The following ZNF385B variants were observed in gnomAD, a reference collection of about 807,000 sequenced individuals.
ZNF385B encodes the protein zinc finger protein 533.
Under a neutral mutation model 39.2 loss-of-function variants are expected in ZNF385B, and 23 were observed. That is an observed-to-expected ratio of 0.59 (90% CI 0.42 to 0.83). ZNF385B has a LOEUF of 0.83. Among genes scored for constraint, ZNF385B ranks in the 40% least tolerant of loss-of-function variants. The pLI is 0.00. For missense variants in ZNF385B, 552 were observed against 598.9 expected, an observed-to-expected ratio of 0.92 and a Z score of 0.82; for synonymous variants, 205 against 222.6, an observed-to-expected ratio of 0.92 and a Z score of 0.70.
intron 3 of ZNF385B, among the ~76,000 whole-genome samples, chr2:179,572,854 G>A (rs979997632): frequency 8.5e-5 from 13 of 152,140 alleles, no homozygotes; most frequent in African/African-American, 1.2e-4. Flanking sequence ...ATTCTGTACC[G>A]CCAAAAAGAA....
intron 3 of ZNF385B, among the ~76,000 whole-genome samples, chr2:179,567,794 G>A (rs1050304409): frequency 6.6e-6 from 1 of 152,104 alleles, no homozygotes; most frequent in African/African-American, 2.4e-5. Context: ...AAGTCGTGTT[G>A]TCTCCAATTC....
At chr2:179,675,033 T>G (rs752218797) in intron 3 of ZNF385B, among the ~76,000 whole-genome samples, 2 of 152,192 alleles carry the variant, frequency 1.3e-5, no homozygotes, top group Non-Finnish European at 2.9e-5. Context: ...GCAACCCCCA[T>G]GCAGTCAAAA....
intron 1 of ZNF385B, among the ~76,000 whole-genome samples, chr2:179,786,586 G>A (rs2106532024): frequency 6.6e-6 from 1 of 152,114 alleles, no homozygotes; most frequent in East Asian, 1.9e-4. Flanking sequence ...CTAAGGCACT[G>A]GTAGCCACTT....
chr2:179,524,264 TA>T (rs2058713281), intron 4 of ZNF385B, among the ~76,000 whole-genome samples: 1 of 152,116 alleles, frequency 6.6e-6, no homozygotes, highest in African/African-American at 2.4e-5. Context: ...TTTTAAAATT[TA>T]AAGTCGGCCG....
chr2:179,531,268 T>C (rs143378624), intron 4 of ZNF385B, among the ~76,000 whole-genome samples: 267 of 152,236 alleles, frequency 1.8e-3, no homozygotes, highest in African/African-American at 6.2e-3. Context: ...AGCAAATAAT[T>C]TAAAAAAGTA....
chr2:179,477,916 T>C (rs1447123773), intron 6 of ZNF385B, among the ~76,000 whole-genome samples: 1 of 152,210 alleles, frequency 6.6e-6, no homozygotes, highest in East Asian at 1.9e-4. Flanking sequence ...CCACAGCTTA[T>C]ACCAAAACGG....
chr2:179,632,507 A>G (rs1691325827), intron 3 of ZNF385B, among the ~76,000 whole-genome samples: 1 of 152,220 alleles, frequency 6.6e-6, no homozygotes, highest in Non-Finnish European at 1.5e-5. Flanking sequence ...ATCCAATGAG[A>G]ACAAAGACAC....
chr2:179,824,673 GT>G (rs906539244), intron 1 of ZNF385B, among the ~76,000 whole-genome samples: 3 of 151,852 alleles, frequency 2.0e-5, no homozygotes, highest in Non-Finnish European at 2.9e-5. Context: ...TTTTGTTTTT[GT>G]TTTTTTCATT....
chr2:179,650,681 C>A (rs1256400080), intron 3 of ZNF385B, among the ~76,000 whole-genome samples: 1 of 152,132 alleles, frequency 6.6e-6, no homozygotes, highest in African/African-American at 2.4e-5. Flanking sequence ...CTATTCCATA[C>A]AGGATAGATA....
intron 3 of ZNF385B, among the ~76,000 whole-genome samples, chr2:179,648,291 A>G (rs1692912210): frequency 6.6e-6 from 1 of 152,128 alleles, no homozygotes; most frequent in Non-Finnish European, 1.5e-5. Flanking sequence ...AGATGGTTAC[A>G]TAGGGGTGTT....
chr2:179,803,485 T>A (rs13399189), intron 1 of ZNF385B, among the ~76,000 whole-genome samples: 39,129 of 152,154 alleles, frequency 0.26, 5,281 homozygotes, highest in Non-Finnish European at 0.29. Context: ...CAGCTGTTTA[T>A]ATAAAATTAT....
rs752822705 is a variant in ZNF385B at position 179,446,722 on chromosome 2, G to C, written c.764C>G (p.Ser255Cys). 1.9e-6 allele frequency: 3 copies of C among 1,614,012 alleles called. No individual in the cohort carries two copies. The highest frequency in any genetic ancestry group is 1.6e-4 in the Middle Eastern group (1 of 6,062). Residue 255 changes from serine to cysteine, a missense_variant, in exon 7 of 10, where the codon TCT becomes TGT. Ser to Cys is a moderately radical substitution (Grantham distance 112). Coordinates refer to ENST00000410066, the MANE Select transcript of ZNF385B (RefSeq NM_152520.6). ...KASSSSQPSS[S>C]ESGSFLLKSG... ...TTTGAGGAGAAATGAGCCACTTTCA[G>C]AGCTTGATGGCTGACTGGAACTGCT...
intron 3 of ZNF385B, among the ~76,000 whole-genome samples, chr2:179,677,669 A>G (rs1697020353): frequency 6.6e-6 from 1 of 152,208 alleles, no homozygotes; most frequent in Non-Finnish European, 1.5e-5. Context: ...TGGGAAGGGC[A>G]GAGCCAAACC....
rs115780216 is a variant in ZNF385B, at chr2:179,655,994, T to C, written c.299-111025A>G. Among the ~76,000 whole-genome samples the C allele has an allele frequency of 5.2e-3, 785 of 152,344 alleles. 4 individuals are homozygous for C. Among genetic ancestry groups the C allele is most frequent in the African/African-American group, 0.017 (724 of 41,600 alleles). ...TTATATTAGTCTAGATATGTTAATT[T>C]GGATTTTATTCTGTTTTTTATTTAT... On this transcript the variant is annotated intron_variant, in intron 3 of 9. Coordinates refer to ENST00000410066, the MANE Select transcript of ZNF385B (RefSeq NM_152520.6).
intron 6 of ZNF385B, among the ~76,000 whole-genome samples, chr2:179,448,146 T>C (rs1343909567): frequency 1.3e-5 from 2 of 152,086 alleles, no homozygotes; most frequent in Non-Finnish European, 2.9e-5. Context: ...GTACTAAAAC[T>C]TCAGGATGAC....
rs371521311 is a variant in ZNF385B at position 179,754,397 on chromosome 2, T to A, written c.298+15106A>T. Among the ~76,000 whole-genome samples the A allele has an allele frequency of 2.6e-5, 4 of 152,224 alleles. No homozygotes were observed. The East Asian group carries it at 5.8e-4, about 22-fold the overall frequency. ...AGGGATATTGGTCTAAAATTCTCTT[T>A]TTTGCTGTGCCTCTACCAGGCTTTG... On this transcript the variant is annotated intron_variant, in intron 3 of 9. Coordinates refer to ENST00000410066, the MANE Select transcript of ZNF385B (RefSeq NM_152520.6).
At chr2:179,849,598 T>G (rs1392206686) in intron 1 of ZNF385B, among the ~76,000 whole-genome samples, 1 of 152,230 alleles carries the variant, frequency 6.6e-6, no homozygotes, top group East Asian at 1.9e-4. Flanking sequence ...TGAAAGAATA[T>G]TCCGGTATTT....
chr2:179,618,335 T>A (rs1478028963), intron 3 of ZNF385B, among the ~76,000 whole-genome samples: 2 of 152,224 alleles, frequency 1.3e-5, no homozygotes, highest in African/African-American at 4.8e-5. Flanking sequence ...TATCTATGGT[T>A]CATTTCCACT....
At chr2:179,483,151 A>G in intron 6 of ZNF385B, 121 bp downstream of exon 6, 2 of 1,100,076 alleles carry the variant, frequency 1.8e-6, no homozygotes, top group Non-Finnish European at 2.6e-6. Context: ...AAGAAAACAT[A>G]TTAATATCAC....
Sources: allele counts gnomAD v4.1 joint callset (sites outside exome capture counted in the v4.1 genomes callset), GRCh38; gene constraint gnomAD v4.1.1; transcripts MANE v1.5; gene names NCBI Gene and HGNC (gene_info 2026-07-23, HGNC 2026-07-21).